The following RFX1 variants were observed in gnomAD, a reference collection of about 807,000 sequenced individuals.
RFX1 encodes the protein MHC class II regulatory factor RFX1.
RFX1 carries 42 observed loss-of-function variants against 119.6 expected under a neutral mutation model. The ratio of observed to expected loss-of-function variants is 0.35; its 90% CI spans 0.27 to 0.45. The LOEUF (loss-of-function observed/expected upper bound fraction) is 0.45. RFX1 is among the 20% of genes least tolerant of loss of function. The pLI, the probability that RFX1 is intolerant of heterozygous loss-of-function variation, is 1.00. For missense variants in RFX1, 1,118 were observed against 1,368.1 expected (o/e 0.82, Z 2.88); for synonymous variants, 628 against 618.5 (o/e 1.02, Z -0.23).
chr19:14,001,136 C>T (rs1228847790), intron 1 of RFX1, among the ~76,000 whole-genome samples: 1 of 152,162 alleles, frequency 6.6e-6, no homozygotes, highest in African/African-American at 2.4e-5. Context: ...CCCACCTCTT[C>T]CTCCCACCTG....
At chr19:13,997,588 C>T (rs887346024) in intron 1 of RFX1, among the ~76,000 whole-genome samples, 11 of 152,348 alleles carry the variant, frequency 7.2e-5, no homozygotes, top group Non-Finnish European at 1.5e-4. Context: ...TTCCAGCCTC[C>T]AGAGCTTTGT....
At chr19:13,983,462 C>T (rs1477999645) in intron 3 of RFX1, 24 bp downstream of exon 3, 5 of 1,552,986 alleles carry the variant, frequency 3.2e-6, no homozygotes, top group Non-Finnish European at 3.5e-6. Context: ...CCCTCCCCCA[C>T]CCCCTGGGAG....
Position 13,986,455 on chromosome 19 carries a change from C to T in RFX1, c.320-2860G>A, listed in dbSNP as rs538480992. On this transcript the variant is annotated intron_variant, in intron 2 of 20. Transcript: ENST00000254325. The surrounding 1 kb of genome is among the most constrained non-coding windows in gnomAD (Gnocchi z 4.2). Reference sequence around the variant, plus strand: ...AACAGGTGAGCCTGAGTGACTCATGCGGATGAGGGCTTCCTGTGCAGCCAT... The same window carrying T: ...AACAGGTGAGCCTGAGTGACTCATGTGGATGAGGGCTTCCTGTGCAGCCAT... Among the ~76,000 whole-genome samples the T allele has an allele frequency of 5.9e-5, 9 of 152,294 alleles. No individual in the cohort carries two copies. The highest frequency in any genetic ancestry group is 1.9e-4 in the East Asian group (1 of 5,170).
intron 9 of RFX1, 39 bp downstream of exon 9, chr19:13,972,704 A>T: frequency 6.6e-7 from 1 of 1,513,686 alleles, no homozygotes; most frequent in Non-Finnish European, 9.0e-7. Flanking sequence ...ACCACCCACC[A>T]CTGCCTGCCT....
intron 16 of RFX1, among the ~76,000 whole-genome samples, chr19:13,964,545 G>A (rs957458313): frequency 3.9e-5 from 6 of 152,128 alleles, no homozygotes; most frequent in African/African-American, 1.2e-4. Context: ...GCAGTGGCGC[G>A]ATCTCAGCTC....
At chr19:13,994,942 A>AT (rs1328200096) in intron 1 of RFX1, among the ~76,000 whole-genome samples, 2 of 97,286 alleles carry the variant, frequency 2.1e-5, no homozygotes, top group Non-Finnish European at 4.2e-5. Flanking sequence ...ATATATAATC[A>AT]TTTTTTTCAG....
At position 13,962,800 on chromosome 19, in the gene RFX1, A is replaced by T; in HGVS notation, c.2835T>A (p.Ala945=). The change falls in exon 21 of 21, where the codon GCT becomes GCA. Residue 945 remains alanine (A), a synonymous_variant. Coordinates refer to ENST00000254325, the MANE Select transcript of RFX1 (RefSeq NM_002918.5). The stretch of plus-strand genomic sequence containing the variant: ...GGCCCAGCGCGGGTGACTCGCCGCC[A>T]GCCGCCAGTGAGATGTCCTGCGGCA... ...DELPQDISLA[A]GGESPALGPE... is the part of the protein sequence containing the mutation. 1 of 1,529,992 alleles carries T rather than the reference A, an allele frequency of 6.5e-7. No individual in the cohort carries two copies. Among genetic ancestry groups the T allele is most frequent in the South Asian group, 1.2e-5 (1 of 83,252 alleles). The allele number at this position is 1,529,992 out of a possible 1,614,324, so 94.8% of individuals were successfully genotyped here.
In RFX1 at chr19:13,980,536, C is replaced by T; in HGVS notation, c.738+37G>A. On this transcript the variant is annotated intron_variant, in intron 6 of 20. Coordinates refer to ENST00000254325, the MANE Select transcript of RFX1 (RefSeq NM_002918.5). This position sits in a 1 kb window ranked among gnomAD's most constrained non-coding sequence, Gnocchi z 5.1. The stretch of plus-strand genomic sequence containing the variant: ...GGCTGCAGAGGCTGCCTGGCCGGTA[C>T]CCCTGGACCGAGCCACTGCCCGCCT... The T allele has an allele frequency of 7.3e-7, 1 of 1,368,486 alleles. No individual in the cohort carries two copies. Among genetic ancestry groups the T allele is most frequent in the South Asian group, 1.3e-5 (1 of 79,648 alleles). The allele number at this position is 1,368,486 out of a possible 1,614,324, so 84.8% of individuals were successfully genotyped here.
intron 4 of RFX1, among the ~76,000 whole-genome samples, chr19:13,982,824 G>A (rs141711324): frequency 5.9e-5 from 9 of 152,320 alleles, no homozygotes; most frequent in East Asian, 3.9e-4. Flanking sequence ...ACGGGTGTGC[G>A]CGGCACCTCA....
At chr19:14,004,483 G>C (rs980634936) in intron 1 of RFX1, among the ~76,000 whole-genome samples, 4 of 152,056 alleles carry the variant, frequency 2.6e-5, no homozygotes, top group Admixed American at 6.6e-5. Flanking sequence ...ACTCCAGCCT[G>C]GCCACAGAGT....
intron 1 of RFX1, among the ~76,000 whole-genome samples, chr19:13,994,737 G>GTGTA: frequency 6.7e-6 from 1 of 149,536 alleles, no homozygotes; most frequent in Non-Finnish European, 1.5e-5. Flanking sequence ...GTGTGTGTGT[G>GTGTA]TGTGTGTGTG....
chr19:14,004,211 C>CT (rs1599528673), intron 1 of RFX1, among the ~76,000 whole-genome samples: 1 of 150,314 alleles, frequency 6.7e-6, no homozygotes, highest in Non-Finnish European at 1.5e-5. Flanking sequence ...GCTCAGTTAG[C>CT]TTTTTTAAGA....
chr19:13,969,999 G>C lies in RFX1; in HGVS notation c.1491C>G (p.Gly497=), dbSNP rs763649192. The C allele has an allele frequency of 1.1e-5, 17 of 1,609,178 alleles. No homozygotes were observed. Among genetic ancestry groups the C allele is most frequent in the Non-Finnish European group, 1.4e-5 (17 of 1,177,336 alleles). The part of the protein sequence containing the change: ...VFMGLRTRRL[G]TRGNSKYHYY... ...GAGTAGACGGATGGCCCTACCTGGTGCCCAGACGGCGGGTTCGCAGGCCCA... is the reference window on the plus strand; with the variant it reads ...GAGTAGACGGATGGCCCTACCTGGTCCCCAGACGGCGGGTTCGCAGGCCCA... The change falls in exon 10 of 21, where the codon GGC becomes GGG. Residue 497 remains glycine, a synonymous_variant. Transcript: ENST00000254325. The surrounding 1 kb of genome is among the most constrained non-coding windows in gnomAD (Gnocchi z 4.5).
At chr19:13,982,273 C>T in intron 4 of RFX1, 45 bp from the exon 5 acceptor site, 2 of 1,128,254 alleles carry the variant, frequency 1.8e-6, no homozygotes, top group South Asian at 7.7e-5. Flanking sequence ...TGATGACAGC[C>T]CGTGCAGTTG....
intron 1 of RFX1, among the ~76,000 whole-genome samples, chr19:13,999,937 A>T (rs1057170872): frequency 2.0e-5 from 3 of 152,034 alleles, no homozygotes; most frequent in African/African-American, 7.2e-5. Flanking sequence ...TGGCCTCCCA[A>T]AGTGCTGGGA....
In RFX1 at chr19:13,964,117, G is replaced by A. The variant is rs2145529659; in HGVS notation, c.2212-110C>T. 5.8e-6 allele frequency: 7 copies of A among 1,208,696 alleles called. No homozygotes were observed. The East Asian group carries it at 1.3e-4, about 23-fold the overall frequency. 74.9% of individuals were successfully genotyped at this position (1,208,696 alleles called of 1,614,324 possible). ...GCCTGTTTCCTTTTTCCTAAAAAAG[G>A]AGGGATGTGCCTCGCTACTTTTGTT... On this transcript the variant is annotated intron_variant, in intron 16 of 20. Transcript: ENST00000254325.
Position 13,962,683 on chromosome 19 carries a change from G to A in RFX1, c.*12C>T, listed in dbSNP as rs1209073919. The A allele has an allele frequency of 2.3e-6, 2 of 878,418 alleles. No individual in the cohort carries two copies. Among genetic ancestry groups the A allele is most frequent in the Non-Finnish European group, 3.2e-6 (2 of 624,668 alleles). 54.4% of individuals were successfully genotyped at this position (878,418 alleles called of 1,614,324 possible). A position where few individuals can be genotyped will look rare whatever the true frequency, so the allele number is the denominator to read the frequency against. ...GGGTGGCGGGGGCGGGTGGGGCGGG[G>A]AGGCCAAGGGCTTAGCTGGAGGGCA... On this transcript the variant is annotated 3_prime_UTR_variant, in exon 21 of 21. Transcript: ENST00000254325.
rs903647086 is a variant in RFX1, at chr19:13,992,851, G to C, written c.319+674C>G. ...AGAGAGGTCAGAACAGCTCTAAGAGGCTGAGCATGGTGACTCATGCCTGTA... is the reference window on the plus strand; with the variant it reads ...AGAGAGGTCAGAACAGCTCTAAGAGCCTGAGCATGGTGACTCATGCCTGTA... On this transcript the variant is annotated intron_variant, in intron 2 of 20. Transcript: ENST00000254325. Among the ~76,000 whole-genome samples the C allele has an allele frequency of 2.6e-5, 4 of 152,322 alleles. No homozygotes were observed. In the East Asian group the frequency reaches 7.7e-4, roughly 29 times the overall value.
intron 2 of RFX1, among the ~76,000 whole-genome samples, chr19:13,993,181 G>C (rs1431223359): frequency 6.6e-6 from 1 of 152,162 alleles, no homozygotes; most frequent in Non-Finnish European, 1.5e-5. Context: ...TGTGGTCTCA[G>C]CTACTTGGGA....
Sources: allele counts gnomAD v4.1 joint callset (sites outside exome capture counted in the v4.1 genomes callset), GRCh38; gene constraint gnomAD v4.1.1; non-coding constraint Gnocchi (gnomAD v3.1); transcripts MANE v1.5; gene names NCBI Gene and HGNC (gene_info 2026-07-23, HGNC 2026-07-21).